Variants in CENPQ observed in about 807,000 individuals in gnomAD.
The protein encoded by CENPQ is centromere protein Q.
CENPQ carries 27 observed loss-of-function variants against 36.6 expected under a neutral mutation model. That is an observed-to-expected ratio of 0.74 (90% CI 0.54 to 1.02). CENPQ has a LOEUF of 1.02. Among genes scored for constraint, CENPQ ranks in the 50% least tolerant of loss-of-function variants. The probability of loss-of-function intolerance (pLI) is 0.00; values close to 1 mark genes in which losing one functional copy is unlikely to be tolerated. For missense variants in CENPQ, 306 were observed against 301.8 expected, an observed-to-expected ratio of 1.01 and a Z score of -0.10; for synonymous variants, 101 against 101.7, an observed-to-expected ratio of 0.99 and a Z score of 0.04.
chr6:49,478,036 T>A (rs1319032764), intron 5 of CENPQ, among the ~76,000 whole-genome samples: 1 of 152,192 alleles, frequency 6.6e-6, no homozygotes, highest in Non-Finnish European at 1.5e-5. Context: ...ATGTAACAGC[T>A]ATGGAGTACA....
intron 6 of CENPQ, 50 bp downstream of exon 6, chr6:49,481,130 A>C: frequency 2.1e-6 from 3 of 1,443,578 alleles, no homozygotes; most frequent in Non-Finnish European, 2.8e-6. Flanking sequence ...GGGAAAGGGA[A>C]GAAGACCAAA....
At position 49,470,208 on chromosome 6, in the gene CENPQ, A is replaced by G; in HGVS notation, c.32A>G (p.Asn11Ser). 1 of 1,611,218 alleles carries G rather than the reference A, an allele frequency of 6.2e-7. No individual in the cohort carries two copies. Among genetic ancestry groups the G allele is most frequent in the Non-Finnish European group, 8.5e-7 (1 of 1,178,374 alleles). The change falls in exon 2 of 9, where the codon AAC becomes AGC. Residue 11 changes from asparagine (N) to serine (S), a missense_variant. Asn to Ser is a conservative substitution (Grantham distance 46). Coordinates refer to ENST00000335783, the MANE Select transcript of CENPQ (RefSeq NM_018132.4). ...GGTAAAGCAAATGCTTCCAAGAAAA[A>G]CGCTCAACAGTTAAAAAGAAATCCA... MSGKANASKK[N>S]AQQLKRNPKR...
chr6:49,472,992 T>C (rs781709078), intron 5 of CENPQ, 134 bp downstream of exon 5: 106 of 577,950 alleles, frequency 1.8e-4, no homozygotes, highest in Non-Finnish European at 2.6e-4. Context: ...CTTGGAAGTA[T>C]GTTTTCTCTT....
intron 6 of CENPQ, among the ~76,000 whole-genome samples, chr6:49,487,493 T>C (rs928137782): frequency 2.4e-5 from 3 of 127,088 alleles, no homozygotes; most frequent in Non-Finnish European, 5.0e-5. Flanking sequence ...AAAATATATT[T>C]CTTGAGGAAG....
At chr6:49,483,119 T>G (rs574213922) in intron 6 of CENPQ, among the ~76,000 whole-genome samples, 6 of 152,202 alleles carry the variant, frequency 3.9e-5, no homozygotes, top group Admixed American at 2.0e-4. Context: ...GGGCACTGAT[T>G]GGTGTATTTA....
At chr6:49,470,622 C>CAAAAAAAAAAAAA (rs1199878940) in intron 2 of CENPQ, among the ~76,000 whole-genome samples, 1 of 66,384 alleles carries the variant, frequency 1.5e-5, no homozygotes, top group African/African-American at 5.9e-5. Context: ...GACTCCGTCT[C>CAAAAAAAAAAAAA]AAAAAAAAAA....
intron 5 of CENPQ, among the ~76,000 whole-genome samples, chr6:49,479,031 A>AT (rs1322958999): frequency 6.6e-6 from 1 of 152,170 alleles, no homozygotes. Context: ...TAATTAAAAT[A>AT]TTTTTGTTAA....
At chr6:49,488,264 T>C in intron 6 of CENPQ, 88 bp from the exon 7 acceptor site, 1 of 1,020,122 alleles carries the variant, frequency 9.8e-7, no homozygotes, top group Non-Finnish European at 1.4e-6. Flanking sequence ...TGGTGTTTTT[T>C]TAAAATGTGT....
At chr6:49,470,550 A>T (rs1045590696) in intron 2 of CENPQ, among the ~76,000 whole-genome samples, 2 of 144,002 alleles carry the variant, frequency 1.4e-5, no homozygotes, top group Non-Finnish European at 3.0e-5. Context: ...TGAACCCGGG[A>T]GGCAGAGGTT....
At position 49,467,097 on chromosome 6, in the gene CENPQ, C is replaced by T. The variant is rs375419237; in HGVS notation, c.-18-3062C>T. Among the ~76,000 whole-genome samples, 16 of 152,306 alleles carry T rather than the reference C, an allele frequency of 1.1e-4. No individual in the cohort carries two copies. The East Asian group carries it at 3.1e-3, about 29-fold the overall frequency. On this transcript the variant is annotated intron_variant, in intron 1 of 8. Transcript: ENST00000335783. ...ACAATACACACCACAGTCTCCACAA[C>T]AAAGAATGATCCATCTAAAATGTTA...
In CENPQ at chr6:49,488,703, T is replaced by A; in HGVS notation, c.675+19T>A. ...ACTTCAGGTAAGTGCCTATTTACCA[T>A]ATTGATTACAGGCATACTTTAGAGA... On this transcript the variant is annotated intron_variant, in intron 8 of 8. Coordinates refer to ENST00000335783, the MANE Select transcript of CENPQ (RefSeq NM_018132.4). The A allele has an allele frequency of 6.3e-7, 1 of 1,589,698 alleles. No homozygotes were observed. The highest frequency in any genetic ancestry group is 8.6e-7 in the Non-Finnish European group (1 of 1,158,142).
At chr6:49,477,181 C>G (rs1479321623) in intron 5 of CENPQ, among the ~76,000 whole-genome samples, 1 of 152,054 alleles carries the variant, frequency 6.6e-6, no homozygotes, top group African/African-American at 2.4e-5. Context: ...AAATGTCCAT[C>G]AATGATAGAC....
At chr6:49,487,420 T>A (rs1169916555) in intron 6 of CENPQ, among the ~76,000 whole-genome samples, 1 of 123,214 alleles carries the variant, frequency 8.1e-6, no homozygotes, top group African/African-American at 3.0e-5. Flanking sequence ...AAACATCCCA[T>A]GGGCAATTGC....
At chr6:49,481,355 T>G (rs936498038) in intron 6 of CENPQ, among the ~76,000 whole-genome samples, 2 of 152,148 alleles carry the variant, frequency 1.3e-5, no homozygotes, top group Non-Finnish European at 2.9e-5. Context: ...AGAATGAAGC[T>G]GCGGACCCTC....
Position 49,470,195 on chromosome 6 carries a change from G to T in CENPQ, c.19G>T (p.Ala7Ser), listed in dbSNP as rs1489169278. MSGKAN[A>S]SKKNAQQLKR... is the part of the protein sequence containing the mutation. ...GATCAAGATGTCTGGTAAAGCAAATGCTTCCAAGAAAAACGCTCAACAGTT... is the reference window on the plus strand; with the variant it reads ...GATCAAGATGTCTGGTAAAGCAAATTCTTCCAAGAAAAACGCTCAACAGTT... Residue 7 changes from alanine to serine, a missense_variant, in exon 2 of 9, where the codon GCT (alanine) becomes TCT (serine). Physicochemically the swap from Ala to Ser is moderately conservative, Grantham distance 99 (BLOSUM62 1). Coordinates refer to ENST00000335783, the MANE Select transcript of CENPQ (RefSeq NM_018132.4). 1.2e-6 allele frequency: 2 copies of T among 1,602,656 alleles called. No homozygotes were observed. The highest frequency in any genetic ancestry group is 2.7e-5 in the African/African-American group (2 of 73,770).
At chr6:49,489,116 T>G (rs1424641290) in intron 8 of CENPQ, among the ~76,000 whole-genome samples, 1 of 152,162 alleles carries the variant, frequency 6.6e-6, no homozygotes, top group African/African-American at 2.4e-5. Context: ...TCACGAAAGT[T>G]TTCCCTGTAG....
chr6:49,472,806 A>C lies in CENPQ; in HGVS notation c.295A>C (p.Ser99Arg). ...CTTTTCTAGGACAATTTTGAGTAAC[A>C]GTATTAAAGAAAAAGAAGAAATACA... ...ESVIMTILSN[S>R]IKEKEEIQYH... Residue 99 changes from serine (S) to arginine (R), a missense_variant, in exon 5 of 9, where the codon AGT becomes CGT. Coordinates refer to ENST00000335783, the MANE Select transcript of CENPQ (RefSeq NM_018132.4). 1 of 1,455,466 alleles carries C rather than the reference A, an allele frequency of 6.9e-7. No homozygotes were observed. The highest frequency in any genetic ancestry group is 9.3e-7 in the Non-Finnish European group (1 of 1,072,154). The allele number at this position is 1,455,466 out of a possible 1,614,324, so 90.2% of individuals were successfully genotyped here.
At chr6:49,489,988 G>C (rs987626421) in intron 8 of CENPQ, among the ~76,000 whole-genome samples, 27 of 152,282 alleles carry the variant, frequency 1.8e-4, no homozygotes, top group African/African-American at 6.0e-4. Flanking sequence ...AAGGACCCTG[G>C]GATTTTCAGA....
intron 5 of CENPQ, among the ~76,000 whole-genome samples, chr6:49,476,955 CTT>C (rs977081185): frequency 6.6e-6 from 1 of 152,222 alleles, no homozygotes; most frequent in Non-Finnish European, 1.5e-5. Context: ...AATAGGAACA[CTT>C]TTACACTGTT....
Sources: allele counts gnomAD v4.1 joint callset (sites outside exome capture counted in the v4.1 genomes callset), GRCh38; gene constraint gnomAD v4.1.1; transcripts MANE v1.5; gene names NCBI Gene and HGNC (gene_info 2026-07-23, HGNC 2026-07-21).